The following PIF1 variants were observed in gnomAD, a reference collection of about 807,000 sequenced individuals.
PIF1 encodes ATP-dependent DNA helicase PIF1.
PIF1 carries 67 observed loss-of-function variants against 62.3 expected under a neutral mutation model. The observed-to-expected ratio is 1.08, with a 90% CI of 0.88 to 1.32. The LOEUF (loss-of-function observed/expected upper bound fraction) is 1.32, where lower values mean the gene tolerates loss of function less well. PIF1 is among the 40% of genes most tolerant of loss of function. The pLI is 0.00. For synonymous variants in PIF1, 364 were observed against 379.5 expected, an observed-to-expected ratio of 0.96 and a Z score of 0.47; for missense variants, 886 against 866.1, an observed-to-expected ratio of 1.02 and a Z score of -0.29.
rs971278836 is a variant in PIF1, at chr15:64,821,099, C to T, written c.1087-11G>A. The T allele has an allele frequency of 2.5e-6, 4 of 1,611,680 alleles. No homozygotes were observed. Among genetic ancestry groups the T allele is most frequent in the Admixed American group, 3.3e-5 (2 of 59,990 alleles). On this transcript the variant is annotated splice_polypyrimidine_tract_variant and intron_variant, in intron 6 of 12. Transcript: ENST00000559239. ...CTTCCAGCTCTTGGACTGGTGGGGGCAGGGTGGGGGTGGGTCAAGGAGCAG... is the reference window on the plus strand; with the variant it reads ...CTTCCAGCTCTTGGACTGGTGGGGGTAGGGTGGGGGTGGGTCAAGGAGCAG...
intron 1 of PIF1, among the ~76,000 whole-genome samples, chr15:64,825,106 C>T (rs1317743087): frequency 6.6e-6 from 1 of 151,870 alleles, no homozygotes; most frequent in Non-Finnish European, 1.5e-5. Context: ...CTGCAAGGAC[C>T]TCACTAGAAC....
Position 64,822,614 on chromosome 15 carries a change from G to C in PIF1, c.559-4C>G, listed in dbSNP as rs199605710. 1 of 1,613,460 alleles carries C rather than the reference G, an allele frequency of 6.2e-7. No homozygotes were observed. The highest frequency in any genetic ancestry group is 8.5e-7 in the Non-Finnish European group (1 of 1,180,000). On this transcript the variant is annotated splice_polypyrimidine_tract_variant and splice_region_variant and intron_variant, in intron 2 of 12. Transcript: ENST00000559239. The stretch of plus-strand genomic sequence containing the variant: ...GCAGGGGCCACCTTGGGGCTTCCTG[G>C]GGGGAACAGAGCTATCTCAGAGCAT...
chr15:64,819,707 A>C, intron 8 of PIF1, 140 bp downstream of exon 8: 1 of 1,123,368 alleles, frequency 8.9e-7, no homozygotes, highest in African/African-American at 1.6e-5. Context: ...TCTCAAAGTC[A>C]CAGTTGCATT....
In PIF1 at chr15:64,822,529, C is replaced by CAGCA. The variant is rs1166674634; in HGVS notation, c.636_639dup (p.Val214CysfsTer94). On this transcript the variant is annotated frameshift_variant, in exon 3 of 13. Coordinates refer to ENST00000559239, the MANE Select transcript of PIF1 (RefSeq NM_001286496.2). LOFTEE classifies it high-confidence loss of function. ...TGGCCTTTCAGGACGGCCCTCAGCACAGCAGCCTGTTCCTCAGAAAGCTGT... is the reference window on the plus strand; with the variant it reads ...TGGCCTTTCAGGACGGCCCTCAGCACAGCAAGCAGCCTGTTCCTCAGAAAGCTGT... 1 of 1,614,180 alleles carries CAGCA rather than the reference C, an allele frequency of 6.2e-7. No individual in the cohort carries two copies.
In PIF1 at chr15:64,825,623, C is replaced by A. The variant is rs3743046; in HGVS notation, c.-74G>T. 0.38 allele frequency: 57,902 copies of A among 151,948 alleles called. 11,566 individuals are homozygous for A. The highest frequency in any genetic ancestry group is 0.45 in the South Asian group (2,187 of 4,814). The allele number at this position is 151,948 out of a possible 1,614,324, so 9.4% of individuals were successfully genotyped here. On this transcript the variant is annotated 5_prime_UTR_variant, in exon 1 of 13. Transcript: ENST00000559239. ...CCGACACTCAGATGAACAAGCAGATCGTAGCCGGCCTGTGGCTAAGCTCCG... is the reference window on the plus strand; with the variant it reads ...CCGACACTCAGATGAACAAGCAGATAGTAGCCGGCCTGTGGCTAAGCTCCG...
At chr15:64,817,194 G>T (rs1226821480) in intron 11 of PIF1, among the ~76,000 whole-genome samples, 1 of 152,136 alleles carries the variant, frequency 6.6e-6, no homozygotes, top group Non-Finnish European at 1.5e-5. Context: ...GGCAGGAGAT[G>T]GCAGAGGGGA....
intron 4 of PIF1, 23 bp downstream of exon 4, chr15:64,822,243 A>G: frequency 6.2e-7 from 1 of 1,600,218 alleles, no homozygotes; most frequent in Non-Finnish European, 8.5e-7. Flanking sequence ...CTCTTAGCTC[A>G]AGCCCTAGGG....
upstream of PIF1, among the ~76,000 whole-genome samples, chr15:64,826,624 T>TTATTTATA (rs2084370250): frequency 5.5e-5 from 2 of 36,078 alleles, no homozygotes; most frequent in Non-Finnish European, 1.1e-4. Context: ...CCCAGCTAAT[T>TTATTTATA]TATATATATA....
chr15:64,823,826 C>T lies in PIF1; in HGVS notation c.510G>A (p.Thr170=). Residue 170 remains threonine, a synonymous_variant, in exon 2 of 13, where the codon ACG becomes ACA. Coordinates refer to ENST00000559239, the MANE Select transcript of PIF1 (RefSeq NM_001286496.2). ...GGGGCTCCACAGGCCGCTTCACCAGCGTAGTGTCCGGAACCCGGGTGGCCG... is the reference window on the plus strand; with the variant it reads ...GGGGCTCCACAGGCCGCTTCACCAGTGTAGTGTCCGGAACCCGGGTGGCCG... ...LRAATRVPDT[T]LVKRPVEPQA... is the part of the protein sequence containing the mutation. The T allele has an allele frequency of 1.5e-6, 2 of 1,365,410 alleles. No homozygotes were observed. The highest frequency in any genetic ancestry group is 2.0e-4 in the Middle Eastern group (1 of 5,108). The allele number at this position is 1,365,410 out of a possible 1,614,324, so 84.6% of individuals were successfully genotyped here.
At chr15:64,820,132 T>C (rs2084264991) in intron 7 of PIF1, 146 bp from the exon 8 acceptor site, 1 of 973,686 alleles carries the variant, frequency 1.0e-6, no homozygotes, top group Non-Finnish European at 1.5e-6. Flanking sequence ...CCCCTCAAGC[T>C]GGCCAACCTG....
At position 64,822,352 on chromosome 15, in the gene PIF1, G is replaced by A. The variant is rs1306678744; in HGVS notation, c.731C>T (p.Ser244Leu). 1 of 1,614,032 alleles carries A rather than the reference G, an allele frequency of 6.2e-7. No homozygotes were observed. Among genetic ancestry groups the A allele is most frequent in the East Asian group, 2.2e-5 (1 of 44,880 alleles). Reference protein sequence around the residue: ...KSYLLKRILGSLPPTGTVATA... With the variant: ...KSYLLKRILGLLPPTGTVATA... ...GGCCACAGTGCCTGTGGGGGGCAGTGAGCCCAGGATTCGCTTTAGCAGATA... is the reference window on the plus strand; with the variant it reads ...GGCCACAGTGCCTGTGGGGGGCAGTAAGCCCAGGATTCGCTTTAGCAGATA... The change falls in exon 4 of 13, where the codon TCA (serine) becomes TTA (leucine). Residue 244 changes from serine (S) to leucine (L), a missense_variant. Coordinates refer to ENST00000559239, the MANE Select transcript of PIF1 (RefSeq NM_001286496.2).
At chr15:64,820,067 C>G in intron 7 of PIF1, 81 bp from the exon 8 acceptor site, 1 of 1,537,266 alleles carries the variant, frequency 6.5e-7, no homozygotes. Context: ...GCTCAAGCAG[C>G]AGGCCATGGG....
chr15:64,826,624 T>TTTTATA (rs1256310883), upstream of PIF1, among the ~76,000 whole-genome samples: 6 of 36,078 alleles, frequency 1.7e-4, no homozygotes, highest in Non-Finnish European at 2.6e-4. Flanking sequence ...CCCAGCTAAT[T>TTTTATA]TATATATATA....
At chr15:64,816,418 G>A in intron 12 of PIF1, 61 bp from the exon 13 acceptor site, 1 of 1,608,908 alleles carries the variant, frequency 6.2e-7, no homozygotes, top group Non-Finnish European at 8.5e-7. Context: ...ACCATAACCT[G>A]GGGGCCAGCA....
In PIF1 at chr15:64,816,229, T is replaced by C; in HGVS notation, c.*69A>G. The C allele has an allele frequency of 1.2e-6, 2 of 1,606,346 alleles. No individual in the cohort carries two copies. Among genetic ancestry groups the C allele is most frequent in the Non-Finnish European group, 1.7e-6 (2 of 1,176,782 alleles). Reference sequence around the variant, plus strand: ...CTACTCCAGTTATTCCCTGGGGCCCTGGGCCACTAGGGAGCAGGAGGACGG... The same window carrying C: ...CTACTCCAGTTATTCCCTGGGGCCCCGGGCCACTAGGGAGCAGGAGGACGG... On this transcript the variant is annotated 3_prime_UTR_variant, in exon 13 of 13. Coordinates refer to ENST00000559239, the MANE Select transcript of PIF1 (RefSeq NM_001286496.2).
intron 1 of PIF1, among the ~76,000 whole-genome samples, chr15:64,825,124 C>A (rs62017278): frequency 0.1 from 15,362 of 151,622 alleles, 2,376 homozygotes; most frequent in African/African-American, 0.33. Flanking sequence ...AACAGGGGTC[C>A]CTGCGCAGAA....
At chr15:64,818,602 C>T (rs1340471420) in intron 9 of PIF1, 2 of 489,608 alleles carry the variant, frequency 4.1e-6, no homozygotes, top group South Asian at 2.2e-5. Flanking sequence ...ATCAATAAGG[C>T]AACCTCTATC....
At chr15:64,822,134 T>A in intron 4 of PIF1, 132 bp downstream of exon 4, 3 of 1,245,704 alleles carry the variant, frequency 2.4e-6, no homozygotes, top group Non-Finnish European at 3.3e-6. Flanking sequence ...CTTGGCCTCC[T>A]AAAGTTTTGG....
rs376376914 is a variant in PIF1, at chr15:64,821,111, G to A, written c.1087-23C>T. The A allele has an allele frequency of 9.9e-6, 16 of 1,612,804 alleles. No individual in the cohort carries two copies. In the Admixed American group the frequency reaches 1.3e-4, roughly 13 times the overall value. On this transcript the variant is annotated intron_variant, in intron 6 of 12. Transcript: ENST00000559239. ...GGACTGGTGGGGGCAGGGTGGGGGT[G>A]GGTCAAGGAGCAGAGCAGACCCCCA...
Sources: allele counts gnomAD v4.1 joint callset (sites outside exome capture counted in the v4.1 genomes callset), GRCh38; gene constraint gnomAD v4.1.1; transcripts MANE v1.5; gene names NCBI Gene and HGNC (gene_info 2026-07-23, HGNC 2026-07-21).